MACROD2: variants seen among roughly 807,000 people sequenced by gnomAD.
MACROD2 encodes the protein mono-ADP ribosylhydrolase 2, also known as ADP-ribose glycohydrolase MACROD2.
Under a neutral mutation model 70.4 loss-of-function variants are expected in MACROD2, and 36 were observed. That is an observed-to-expected ratio of 0.51 (90% CI 0.39 to 0.68). The LOEUF is 0.68. Among genes scored for constraint, MACROD2 ranks in the 30% least tolerant of loss-of-function variants. MACROD2 has a pLI of 0.00. For synonymous variants in MACROD2, 172 were observed against 178.8 expected (o/e 0.96, Z 0.30); for missense variants, 496 against 538.4 (o/e 0.92, Z 0.78).
chr20:15,763,196 G>C (rs937679560), intron 8 of MACROD2, among the ~76,000 whole-genome samples: 1 of 152,174 alleles, frequency 6.6e-6, no homozygotes, highest in African/African-American at 2.4e-5. Flanking sequence ...ATCTCAGTAA[G>C]AGGGAGACAT....
chr20:15,511,363 C>T (rs931421939), intron 8 of MACROD2, among the ~76,000 whole-genome samples: 1 of 152,120 alleles, frequency 6.6e-6, no homozygotes, highest in African/African-American at 2.4e-5. Context: ...TGATGTGATG[C>T]TAAGATGTAA....
intron 5 of MACROD2, among the ~76,000 whole-genome samples, chr20:15,204,005 G>A (rs1340756890): frequency 1.3e-5 from 2 of 151,908 alleles, no homozygotes; most frequent in Non-Finnish European, 1.5e-5. Context: ...GTCAAAATTG[G>A]GAATGGATTT....
At chr20:15,517,317 T>C (rs2047582212) in intron 8 of MACROD2, among the ~76,000 whole-genome samples, 2 of 152,184 alleles carry the variant, frequency 1.3e-5, no homozygotes, top group South Asian at 4.1e-4. Flanking sequence ...CTGACTTCTT[T>C]TATTCAGGTC....
intron 5 of MACROD2, among the ~76,000 whole-genome samples, chr20:14,955,265 T>C (rs1288937150): frequency 7.2e-6 from 1 of 138,484 alleles, no homozygotes; most frequent in Non-Finnish European, 1.5e-5. Flanking sequence ...TAATATAATA[T>C]AATTTTTATT....
intron 2 of MACROD2, among the ~76,000 whole-genome samples, chr20:14,036,854 G>T (rs1375585300): frequency 2.0e-5 from 3 of 152,066 alleles, no homozygotes; most frequent in Non-Finnish European, 2.9e-5. Context: ...GTAGAGACGG[G>T]GTTTTGCCAT....
chr20:15,209,149 T>TTTATTTATTTA, intron 5 of MACROD2, among the ~76,000 whole-genome samples: 3 of 100,190 alleles, frequency 3.0e-5, no homozygotes, highest in African/African-American at 6.8e-5. Context: ...TTATTTATTT[T>TTTATTTATTTA]TTAGTCTGCT....
Position 14,899,104 on chromosome 20 carries a change from T to C in MACROD2, c.418+214145T>C, listed in dbSNP as rs116623131. 7.0e-3 allele frequency among the ~76,000 whole-genome samples: 1,064 copies of C among 152,272 alleles called. 8 individuals carry two copies. The highest frequency in any genetic ancestry group is 0.024 in the African/African-American group (1,007 of 41,558). ...GTTTTCTGCTGTGACAAAGGCAGAG[T>C]TGTTGTTCCTGAACTGCACATCTGC... On this transcript the variant is annotated intron_variant, in intron 5 of 17. Transcript: ENST00000684519.
intron 4 of MACROD2, among the ~76,000 whole-genome samples, chr20:14,616,722 C>T (rs1983503281): frequency 6.6e-6 from 1 of 152,062 alleles, no homozygotes; most frequent in Admixed American, 6.6e-5. Context: ...TTTCTCCTCT[C>T]TGTCACAAAA....
intron 17 of MACROD2, among the ~76,000 whole-genome samples, chr20:16,047,050 A>T (rs1423424761): frequency 6.6e-6 from 1 of 152,184 alleles, no homozygotes; most frequent in Non-Finnish European, 1.5e-5. Flanking sequence ...CCTGGCTAAT[A>T]AATGGAAATT....
intron 3 of MACROD2, among the ~76,000 whole-genome samples, chr20:14,414,227 C>T (rs547457799): frequency 3.5e-4 from 53 of 152,294 alleles, no homozygotes; most frequent in African/African-American, 1.3e-3. Context: ...AATCTTCTGG[C>T]CCCCTGACCT....
At chr20:14,468,075 A>G (rs924195330) in intron 3 of MACROD2, among the ~76,000 whole-genome samples, 3 of 152,102 alleles carry the variant, frequency 2.0e-5, no homozygotes, top group Non-Finnish European at 4.4e-5. Context: ...GCTGAGAAGA[A>G]TGTATATTCT....
intron 5 of MACROD2, chr20:14,892,645 T>C (rs944967057): frequency 1.3e-5 from 2 of 152,174 alleles, no homozygotes; most frequent in Non-Finnish European, 1.5e-5. Context: ...CTTTTTCATA[T>C]GTGAAACTGA....
At chr20:14,703,753 G>A (rs1259375410) in intron 5 of MACROD2, among the ~76,000 whole-genome samples, 2 of 151,748 alleles carry the variant, frequency 1.3e-5, no homozygotes, top group Non-Finnish European at 2.9e-5. Context: ...TTCAGACGAA[G>A]TCTGGCTCTG....
At chr20:14,843,034 C>A (rs887304349) in intron 5 of MACROD2, among the ~76,000 whole-genome samples, 1 of 151,972 alleles carries the variant, frequency 6.6e-6, no homozygotes. Context: ...CATTTCACAC[C>A]CTGGCTGTCA....
At position 13,995,893 on chromosome 20, in the gene MACROD2, C is replaced by T. The variant is rs577111505; in HGVS notation, c.46+84C>T. On this transcript the variant is annotated intron_variant, in intron 1 of 17. Coordinates refer to ENST00000684519, the MANE Select transcript of MACROD2 (RefSeq NM_001351661.2). The surrounding 1 kb of genome is among the most constrained non-coding windows in gnomAD (Gnocchi z 4.3). Reference sequence around the variant, plus strand: ...GTCAGGCTGTGTGTGCCGCGGCGCCCTCCGCCCGAGCTCCCGCCTCGCGCC... The same window carrying T: ...GTCAGGCTGTGTGTGCCGCGGCGCCTTCCGCCCGAGCTCCCGCCTCGCGCC... 36 of 1,487,984 alleles carry T rather than the reference C, an allele frequency of 2.4e-5. No homozygotes were observed. Among genetic ancestry groups the T allele is most frequent in the Non-Finnish European group, 2.9e-5 (32 of 1,093,752 alleles). The allele number at this position is 1,487,984 out of a possible 1,614,324, so 92.2% of individuals were successfully genotyped here.
At chr20:15,345,708 A>G (rs147622757) in intron 6 of MACROD2, among the ~76,000 whole-genome samples, 1 of 152,352 alleles carries the variant, frequency 6.6e-6, no homozygotes, top group African/African-American at 2.4e-5. Context: ...ATTGAAATGT[A>G]AATTGAATTA....
chr20:15,610,939 C>T (rs2048958378), intron 8 of MACROD2, among the ~76,000 whole-genome samples: 1 of 149,440 alleles, frequency 6.7e-6, no homozygotes, highest in Non-Finnish European at 1.5e-5. Context: ...CTGGGACTTT[C>T]ACTGACTCAC....
chr20:15,836,879 G>T (rs2064119999), intron 8 of MACROD2, among the ~76,000 whole-genome samples: 1 of 152,196 alleles, frequency 6.6e-6, no homozygotes, highest in Admixed American at 6.5e-5. Context: ...TTTCTTTGTA[G>T]AAAGTCCAGT....
intron 4 of MACROD2, among the ~76,000 whole-genome samples, chr20:14,674,362 CTTCCT>C (rs2070833066): frequency 6.6e-6 from 1 of 152,124 alleles, no homozygotes; most frequent in Non-Finnish European, 1.5e-5. Context: ...CTAATGAATT[CTTCCT>C]TTCAAAATTT....
Sources: gnomAD v4.1 joint callset for allele counts (sites outside exome capture counted in the v4.1 genomes callset) on GRCh38, gnomAD v4.1.1 for gene constraint, Gnocchi (gnomAD v3.1) non-coding constraint, MANE v1.5 for transcripts, NCBI Gene and HGNC (gene_info 2026-07-23, HGNC 2026-07-21) for gene names.